Variants in MTUS1 observed in about 807,000 individuals in gnomAD.
The protein encoded by MTUS1 is microtubule-associated tumor suppressor 1.
MTUS1 carries 109 observed loss-of-function variants against 120.8 expected under a neutral mutation model. That is an observed-to-expected ratio of 0.90 (90% CI 0.77 to 1.06). The LOEUF (loss-of-function observed/expected upper bound fraction) is 1.06. MTUS1 is among the 50% of genes least tolerant of loss of function. MTUS1 has a pLI of 0.00. For synonymous variants in MTUS1, 737 were observed against 550.5 expected (o/e 1.34, Z -4.74); for missense variants, 2,210 against 1,486.3 (o/e 1.49, Z -8.01).
intron 1 of MTUS1, among the ~76,000 whole-genome samples, chr8:17,769,123 C>T (rs2049808309): frequency 6.6e-6 from 1 of 151,926 alleles, no homozygotes; most frequent in South Asian, 2.1e-4. Context: ...GAGAAGCTCC[C>T]AGCAAAGCCT....
rs114795286 is a variant in MTUS1 at position 17,646,236 on chromosome 8, T to C, written c.3600-97A>G. ...TTTGAAACTTTAAAGTCCAAAATTA[T>C]TCCTTTGGGATAAAACAGAATCCTG... On this transcript the variant is annotated intron_variant, in intron 14 of 14. Coordinates refer to ENST00000693296, the MANE Select transcript of MTUS1 (RefSeq NM_001363059.2). The C allele has an allele frequency of 4.2e-5, 53 of 1,272,098 alleles. No homozygotes were observed. The African/African-American group carries it at 6.2e-4, about 15-fold the overall frequency. The allele number at this position is 1,272,098 out of a possible 1,614,324, so 78.8% of individuals were successfully genotyped here.
chr8:17,720,321 G>C (rs2045732816), intron 4 of MTUS1, among the ~76,000 whole-genome samples: 3 of 151,580 alleles, frequency 2.0e-5, no homozygotes, highest in Admixed American at 2.0e-4. Context: ...CTCCAGCCTG[G>C]GCGACAAGAG....
chr8:17,681,468 T>C (rs770520432), intron 7 of MTUS1: 18 of 153,606 alleles, frequency 1.2e-4, no homozygotes, highest in Non-Finnish European at 2.5e-4. Flanking sequence ...AGCTGTCTGA[T>C]AGCAGGCAAA....
At chr8:17,718,805 G>A (rs1822836625) in intron 4 of MTUS1, among the ~76,000 whole-genome samples, 1 of 151,630 alleles carries the variant, frequency 6.6e-6, no homozygotes, top group Admixed American at 6.6e-5. Context: ...AGGAGCTGGT[G>A]AGTCTAAAAG....
Position 17,754,707 on chromosome 8 carries a change from T to C in MTUS1, c.1101A>G (p.Pro367=). 6.2e-7 allele frequency: 1 copy of C among 1,614,254 alleles called. No homozygotes were observed. Among genetic ancestry groups the C allele is most frequent in the Non-Finnish European group, 8.5e-7 (1 of 1,180,040 alleles). The part of the protein sequence containing the change: ...FDKSEAQVLN[P]EHKVTETEDT... ...CTTCAGTCTCAGTGACTTTATGCTC[T>C]GGGTTCAGCACTTGAGCTTCGCTCT... Residue 367 remains proline, a synonymous_variant, in exon 2 of 15, where the codon CCA becomes CCG. Transcript: ENST00000693296.
At chr8:17,697,973 A>ATTTTGGAAAAGTTTT in intron 6 of MTUS1, among the ~76,000 whole-genome samples, 1 of 152,166 alleles carries the variant, frequency 6.6e-6, no homozygotes, top group Middle Eastern at 3.4e-3. Flanking sequence ...TAAACCTGGT[A>ATTTTGGAAAAGTTTT]TTTTGGAAAA....
chr8:17,714,131 G>A (rs1216368160), intron 5 of MTUS1, among the ~76,000 whole-genome samples: 1 of 152,144 alleles, frequency 6.6e-6, no homozygotes, highest in African/African-American at 2.4e-5. Context: ...CCAACCTGAT[G>A]TCAACTCAGC....
intron 3 of MTUS1, among the ~76,000 whole-genome samples, chr8:17,743,386 G>C (rs1430483030): frequency 6.6e-6 from 1 of 152,128 alleles, no homozygotes; most frequent in Non-Finnish European, 1.5e-5. Flanking sequence ...TAGCTTATAA[G>C]ATGGTTTATA....
chr8:17,743,674 G>GAC lies in MTUS1; in HGVS notation c.2216_2217insGT (p.Asn739LysfsTer31), dbSNP rs1235692151. ...CAGCACTGGGATTTCTATTGTCACTGTTCCGCCTCAAACAGGAAACAGGGG... is the reference window on the plus strand; with the variant it reads ...CAGCACTGGGATTTCTATTGTCACTGACTTCCGCCTCAAACAGGAAACAGGGG... On this transcript the variant is annotated frameshift_variant, in exon 3 of 15. Transcript: ENST00000693296. LOFTEE classifies it high-confidence loss of function. 2 of 1,614,004 alleles carry GAC rather than the reference G, an allele frequency of 1.2e-6. No individual in the cohort carries two copies. Among genetic ancestry groups the GAC allele is most frequent in the Non-Finnish European group, 1.7e-6 (2 of 1,180,032 alleles).
intron 1 of MTUS1, among the ~76,000 whole-genome samples, chr8:17,789,849 G>C (rs1404164063): frequency 6.6e-6 from 1 of 152,148 alleles, no homozygotes; most frequent in African/African-American, 2.4e-5. Context: ...TTTGGAAATA[G>C]AGAACTGATG....
intron 12 of MTUS1, among the ~76,000 whole-genome samples, chr8:17,652,322 A>G (rs1250479592): frequency 6.6e-6 from 1 of 152,250 alleles, no homozygotes; most frequent in Non-Finnish European, 1.5e-5. Flanking sequence ...AAGAAATGAA[A>G]TACTAACATA....
At chr8:17,657,441 G>T (rs574910326) in intron 8 of MTUS1, among the ~76,000 whole-genome samples, 8 of 149,960 alleles carry the variant, frequency 5.3e-5, no homozygotes, top group Non-Finnish European at 8.9e-5. Context: ...AGTGACGGGC[G>T]CCTGTAGTCC....
chr8:17,728,339 A>T (rs1239612169), intron 3 of MTUS1, among the ~76,000 whole-genome samples: 1 of 152,188 alleles, frequency 6.6e-6, no homozygotes, highest in Non-Finnish European at 1.5e-5. Flanking sequence ...TCCTGACCTT[A>T]AGTGAGCCAC....
intron 6 of MTUS1, among the ~76,000 whole-genome samples, chr8:17,699,564 A>C (rs150529808): frequency 6.6e-6 from 1 of 152,206 alleles, no homozygotes; most frequent in African/African-American, 2.4e-5. Context: ...TAAAAGAAGA[A>C]ATTACCATCT....
At chr8:17,733,731 C>T (rs1466085577) in intron 3 of MTUS1, among the ~76,000 whole-genome samples, 2 of 152,072 alleles carry the variant, frequency 1.3e-5, no homozygotes, top group East Asian at 3.9e-4. Context: ...ACCTGTTGGC[C>T]CTCCTCTGTA....
chr8:17,659,112 G>A (rs1434799554), intron 8 of MTUS1, among the ~76,000 whole-genome samples: 4 of 152,110 alleles, frequency 2.6e-5, no homozygotes, highest in African/African-American at 7.2e-5. Flanking sequence ...CTGCCCAGGG[G>A]CACAGAGCTG....
intron 6 of MTUS1, chr8:17,692,074 C>A (rs527833029): frequency 1.3e-4 from 20 of 152,322 alleles, no homozygotes; most frequent in African/African-American, 4.3e-4. Context: ...AGGCCTGTTG[C>A]AAGATCCAAC....
chr8:17,689,230 A>G (rs911469270), intron 6 of MTUS1, among the ~76,000 whole-genome samples: 2 of 152,114 alleles, frequency 1.3e-5, no homozygotes, highest in African/African-American at 4.8e-5. Context: ...ACAAACAAAC[A>G]AACAAAAAAC....
chr8:17,786,202 C>T (rs1013063674), intron 1 of MTUS1, among the ~76,000 whole-genome samples: 1 of 152,052 alleles, frequency 6.6e-6, no homozygotes, highest in African/African-American at 2.4e-5. Context: ...GTATTCTGAC[C>T]CTTCTTGCAA....
Sources: gnomAD v4.1 joint callset for allele counts (sites outside exome capture counted in the v4.1 genomes callset) on GRCh38, gnomAD v4.1.1 for gene constraint, MANE v1.5 for transcripts, NCBI Gene and HGNC (gene_info 2026-07-23, HGNC 2026-07-21) for gene names.